RILPL2: variants seen among roughly 807,000 people sequenced by gnomAD.
RILPL2 encodes RILP-like protein 2.
In RILPL2, 19 loss-of-function variants were observed where a neutral mutation model predicts 22.2. The ratio of observed to expected loss-of-function variants is 0.86; its 90% confidence interval spans 0.60 to 1.25. RILPL2 has a LOEUF of 1.25. Ranked by LOEUF, RILPL2 falls within the 50% of genes most tolerant of loss-of-function variation. The pLI is 0.00. For synonymous variants in RILPL2, 123 were observed against 111.6 expected, an observed-to-expected ratio of 1.10 and a Z score of -0.64; for missense variants, 243 against 263.6, an observed-to-expected ratio of 0.92 and a Z score of 0.54.
In RILPL2 at chr12:123,436,137, T is replaced by C; in HGVS notation, c.284A>G (p.His95Arg). The change falls in exon 1 of 4, where the codon CAC (histidine) becomes CGC (arginine). Residue 95 changes from histidine to arginine, a missense_variant. Transcript: ENST00000280571. The surrounding 1 kb of genome is among the most constrained non-coding windows in gnomAD (Gnocchi z 6.7). ...ALEELKMERDHLRKEVEGLRR... is the reference protein window; with the variant it reads ...ALEELKMERDRLRKEVEGLRR... ...CAGCCCCTCCACCTCCTTCCTGAGGTGGTCCCTCTCCATCTTCAGCTCCTC... is the reference window on the plus strand; with the variant it reads ...CAGCCCCTCCACCTCCTTCCTGAGGCGGTCCCTCTCCATCTTCAGCTCCTC... 1 of 1,598,312 alleles carries C rather than the reference T, an allele frequency of 6.3e-7. No individual in the cohort carries two copies. The highest frequency in any genetic ancestry group is 1.1e-5 in the South Asian group (1 of 88,562).
intron 3 of RILPL2, among the ~76,000 whole-genome samples, chr12:123,421,792 C>T (rs552530700): frequency 7.9e-5 from 12 of 151,640 alleles, no homozygotes; most frequent in African/African-American, 2.7e-4. Context: ...CTCAGCCTCC[C>T]GAATAGGTGG....
chr12:123,425,394 G>A (rs1489440380), intron 2 of RILPL2, among the ~76,000 whole-genome samples: 2 of 151,750 alleles, frequency 1.3e-5, no homozygotes, highest in African/African-American at 4.8e-5. Context: ...GGCCACGCTG[G>A]TTTTGAACTC....
chr12:123,426,456 T>C (rs1879444107), intron 2 of RILPL2, among the ~76,000 whole-genome samples: 1 of 152,186 alleles, frequency 6.6e-6, no homozygotes, highest in Non-Finnish European at 1.5e-5. Flanking sequence ...CCAGCTGATA[T>C]TTTATTATAG....
At chr12:123,434,619 A>G (rs929513465) in intron 1 of RILPL2, among the ~76,000 whole-genome samples, 4 of 151,510 alleles carry the variant, frequency 2.6e-5, no homozygotes, top group African/African-American at 4.8e-5. Flanking sequence ...GTAGAGATAG[A>G]GTTTCACCAT....
In RILPL2 at chr12:123,415,217, A is replaced by G. The variant is rs1879082290; in HGVS notation, c.*674T>C. ...GAGTCCTAAAATCGATAGCTTCTTA[A>G]CATTTTAGTTTGCAGCAATCTTTCC... On this transcript the variant is annotated 3_prime_UTR_variant, in exon 4 of 4. Coordinates refer to ENST00000280571, the MANE Select transcript of RILPL2 (RefSeq NM_145058.3). 6.6e-6 allele frequency: 1 copy of G among 152,394 alleles called. No homozygotes were observed. The highest frequency in any genetic ancestry group is 1.5e-5 in the Non-Finnish European group (1 of 68,130). The allele number at this position is 152,394 out of a possible 1,614,324, so 9.4% of individuals were successfully genotyped here. A position where few individuals can be genotyped will look rare whatever the true frequency, so the allele number is the denominator to read the frequency against.
intron 1 of RILPL2, among the ~76,000 whole-genome samples, chr12:123,435,555 G>A (rs543862986): frequency 2.0e-4 from 30 of 148,714 alleles, no homozygotes; most frequent in African/African-American, 7.2e-4. Flanking sequence ...CCTGGGTAAC[G>A]GTGAGACCCC....
At chr12:123,428,416 G>T (rs765762283) in intron 2 of RILPL2, among the ~76,000 whole-genome samples, 1 of 152,270 alleles carries the variant, frequency 6.6e-6, no homozygotes, top group Middle Eastern at 3.4e-3. Context: ...GATTACAGGC[G>T]TGAGCCACCG....
chr12:123,434,800 TC>T (rs1373896586), intron 1 of RILPL2, among the ~76,000 whole-genome samples: 2 of 152,032 alleles, frequency 1.3e-5, no homozygotes, highest in African/African-American at 4.8e-5. Flanking sequence ...TAGCTCTCTA[TC>T]AATTTCCCTT....
At chr12:123,418,756 C>CTTTTTTTTT (rs1202023726) in intron 3 of RILPL2, among the ~76,000 whole-genome samples, 111 of 96,160 alleles carry the variant, frequency 1.2e-3, no homozygotes, top group East Asian at 1.7e-3. Context: ...CTTTTTCTTT[C>CTTTTTTTTT]TTTTTTTTTT....
intron 2 of RILPL2, 120 bp downstream of exon 2, chr12:123,430,388 G>A (rs576269939): frequency 5.7e-5 from 57 of 993,510 alleles, no homozygotes; most frequent in South Asian, 2.9e-4. Context: ...CAGCCTGGGC[G>A]ACAGAGCGAG....
At chr12:123,410,096 C>T (rs970780539), downstream of RILPL2, among the ~76,000 whole-genome samples, 2 of 152,192 alleles carry the variant, frequency 1.3e-5, no homozygotes, top group African/African-American at 4.8e-5. Flanking sequence ...ATCCACCCGC[C>T]TCGGCCTCCC....
chr12:123,413,238 G>A, downstream of RILPL2: 1 of 177,142 alleles, frequency 5.6e-6, no homozygotes, highest in Non-Finnish European at 1.2e-5. Context: ...GCTCACGCCT[G>A]TAATCCCAGT....
At chr12:123,423,019 CG>C in intron 3 of RILPL2, 24 bp downstream of exon 3, 5 of 1,521,102 alleles carry the variant, frequency 3.3e-6, no homozygotes, top group South Asian at 1.1e-5. Flanking sequence ...TTGGCGGGAC[CG>C]GGGGGCAGCA....
intron 3 of RILPL2, among the ~76,000 whole-genome samples, chr12:123,419,606 CTTTTTT>C (rs11361281): frequency 7.7e-6 from 1 of 130,356 alleles, no homozygotes. Flanking sequence ...TCCCTTTTTT[CTTTTTT>C]TTTTTTTTTT....
At chr12:123,427,832 A>ACCGCGCCCGG (rs1879486405) in intron 2 of RILPL2, among the ~76,000 whole-genome samples, 1 of 152,180 alleles carries the variant, frequency 6.6e-6, no homozygotes, top group Non-Finnish European at 1.5e-5. Flanking sequence ...GGTGTGAGCC[A>ACCGCGCCCGG]CCTCAACCAG....
At chr12:123,435,938 G>T in intron 1 of RILPL2, 144 bp downstream of exon 1, 1 of 1,239,950 alleles carries the variant, frequency 8.1e-7, no homozygotes, top group Non-Finnish European at 1.1e-6. Flanking sequence ...GACCAGCCTG[G>T]GCAACACAGC....
chr12:123,422,081 A>T (rs1879300935), intron 3 of RILPL2, among the ~76,000 whole-genome samples: 2 of 147,998 alleles, frequency 1.4e-5, no homozygotes, highest in South Asian at 4.2e-4. Flanking sequence ...TAGTGATAAT[A>T]GTTTACTGCA....
chr12:123,430,214 T>C (rs11519539), intron 2 of RILPL2, among the ~76,000 whole-genome samples: 92,622 of 149,314 alleles, frequency 0.62, 30,281 homozygotes, highest in South Asian at 0.8. Flanking sequence ...TCGAGACCAT[T>C]CTGCCTAACA....
intron 1 of RILPL2, among the ~76,000 whole-genome samples, chr12:123,432,565 G>A (rs573424401): frequency 3.0e-4 from 46 of 152,246 alleles, no homozygotes; most frequent in Non-Finnish European, 4.6e-4. Flanking sequence ...GGCACTAAAC[G>A]TTCATTTTCT....
Sources: gnomAD v4.1 joint callset for allele counts (sites outside exome capture counted in the v4.1 genomes callset) on GRCh38, gnomAD v4.1.1 for gene constraint, Gnocchi (gnomAD v3.1) non-coding constraint, MANE v1.5 for transcripts, NCBI Gene and HGNC (gene_info 2026-07-23, HGNC 2026-07-21) for gene names.